SYTL3: variants seen among roughly 807,000 people sequenced by gnomAD.
The protein encoded by SYTL3 is synaptotagmin-like protein 3.
Under a neutral mutation model 82.1 loss-of-function variants are expected in SYTL3, and 88 were observed. The ratio of observed to expected loss-of-function variants is 1.07; its 90% CI spans 0.90 to 1.28. The LOEUF (loss-of-function observed/expected upper bound fraction) is 1.28. Ranked by LOEUF, SYTL3 falls within the 50% of genes most tolerant of loss-of-function variation. The pLI, the probability that SYTL3 is intolerant of heterozygous loss-of-function variation, is 0.00. For missense variants in SYTL3, 831 were observed against 757.6 expected, an observed-to-expected ratio of 1.10 and a Z score of -1.14; for synonymous variants, 311 against 289.4, an observed-to-expected ratio of 1.07 and a Z score of -0.76.
chr6:158,725,444 T>G, intron 10 of SYTL3, 59 bp from the exon 11 acceptor site: 1 of 1,590,002 alleles, frequency 6.3e-7, no homozygotes, highest in African/African-American at 1.3e-5. Flanking sequence ...TCACCACATT[T>G]GAACAAAACC....
chr6:158,737,217 C>A (rs964276759), intron 11 of SYTL3, among the ~76,000 whole-genome samples: 2 of 152,048 alleles, frequency 1.3e-5, no homozygotes, highest in Non-Finnish European at 2.9e-5. Context: ...GAAATAGATC[C>A]CCATTTTACA....
At chr6:158,676,604 C>G (rs1462389669) in intron 5 of SYTL3, among the ~76,000 whole-genome samples, 4 of 152,114 alleles carry the variant, frequency 2.6e-5, no homozygotes, top group Admixed American at 2.6e-4. Context: ...AAACCACCAT[C>G]AGAGTGAACA....
intron 8 of SYTL3, among the ~76,000 whole-genome samples, chr6:158,710,556 T>C (rs563694803): frequency 6.6e-6 from 1 of 151,138 alleles, no homozygotes; most frequent in African/African-American, 2.4e-5. Flanking sequence ...ACTCTAAAAG[T>C]GTCTGTAATT....
chr6:158,736,631 T>C (rs1043544629), intron 11 of SYTL3, among the ~76,000 whole-genome samples: 1 of 150,374 alleles, frequency 6.7e-6, no homozygotes, highest in African/African-American at 2.4e-5. Flanking sequence ...CTACTGAAAA[T>C]ACAAACATTA....
intron 6 of SYTL3, among the ~76,000 whole-genome samples, chr6:158,702,352 T>C (rs1781411803): frequency 6.6e-6 from 1 of 150,802 alleles, no homozygotes; most frequent in South Asian, 2.1e-4. Context: ...AAAAATTTTT[T>C]TTTTTTTATA....
intron 12 of SYTL3, among the ~76,000 whole-genome samples, chr6:158,747,364 AT>A (rs201950910): frequency 0.059 from 9,026 of 151,770 alleles, 305 homozygotes; most frequent in South Asian, 0.09. Flanking sequence ...ATTAAAATTA[AT>A]TTTTTTTTAA....
At chr6:158,715,620 C>T (rs931333) in intron 9 of SYTL3, among the ~76,000 whole-genome samples, 7,481 of 138,026 alleles carry the variant, frequency 0.054, 328 homozygotes, top group African/African-American at 0.097. Context: ...CACACACGCA[C>T]GCACCCAGCA....
chr6:158,719,242 A>G (rs540986145), intron 10 of SYTL3, among the ~76,000 whole-genome samples: 2 of 152,328 alleles, frequency 1.3e-5, no homozygotes, highest in East Asian at 3.9e-4. Flanking sequence ...TTTTATCTTC[A>G]TAACCACCAT....
chr6:158,649,557 GTAATAC>G (rs961804240), upstream of SYTL3, among the ~76,000 whole-genome samples: 1 of 152,242 alleles, frequency 6.6e-6, no homozygotes, highest in African/African-American at 2.4e-5. Context: ...ACGGTGCTGA[GTAATAC>G]TACCTAGTAC....
At chr6:158,658,072 T>G (rs1445355447) in intron 2 of SYTL3, among the ~76,000 whole-genome samples, 2 of 152,052 alleles carry the variant, frequency 1.3e-5, no homozygotes, top group Non-Finnish European at 2.9e-5. Context: ...TTTTGTATTT[T>G]TAGTAGAGAC....
intron 2 of SYTL3, among the ~76,000 whole-genome samples, chr6:158,659,607 G>A (rs1324027164): frequency 6.6e-6 from 1 of 152,126 alleles, no homozygotes; most frequent in African/African-American, 2.4e-5. Flanking sequence ...CGCCCGCCTC[G>A]GCCTCCCAGA....
At chr6:158,715,599 T>TCTCACACACACACACACACACACACACA (rs1783276356) in intron 9 of SYTL3, among the ~76,000 whole-genome samples, 5 of 116,440 alleles carry the variant, frequency 4.3e-5, no homozygotes, top group African/African-American at 1.1e-4. Flanking sequence ...TGAAACCGCA[T>TCTCACACACACACACACACACACACACA]CACACACACA....
At chr6:158,674,046 C>T (rs891245676) in intron 5 of SYTL3, among the ~76,000 whole-genome samples, 10 of 149,686 alleles carry the variant, frequency 6.7e-5, no homozygotes, top group South Asian at 2.1e-4. Flanking sequence ...ATCGCACCAC[C>T]GCAGTCCACC....
At chr6:158,661,953 A>G (rs988156609) in intron 3 of SYTL3, among the ~76,000 whole-genome samples, 13 of 152,338 alleles carry the variant, frequency 8.5e-5, no homozygotes, top group Admixed American at 5.9e-4. Context: ...ATTTCTTCCT[A>G]TGTAACACAG....
intron 11 of SYTL3, among the ~76,000 whole-genome samples, chr6:158,738,448 A>G (rs1322060710): frequency 1.3e-5 from 2 of 152,152 alleles, no homozygotes; most frequent in Non-Finnish European, 1.5e-5. Flanking sequence ...GCAATAGAAG[A>G]AGCTGATGCC....
intron 15 of SYTL3, among the ~76,000 whole-genome samples, chr6:158,761,360 T>C (rs1034665959): frequency 1.0e-4 from 15 of 145,170 alleles, no homozygotes; most frequent in Non-Finnish European, 1.9e-4. Context: ...TGGAGTGCAG[T>C]GGCCCGATCT....
intron 6 of SYTL3, among the ~76,000 whole-genome samples, chr6:158,692,102 AC>A (rs1214136719): frequency 6.8e-6 from 1 of 147,994 alleles, no homozygotes; most frequent in South Asian, 2.1e-4. Context: ...CTAAAAATAC[AC>A]AAAAATTAGC....
At chr6:158,654,565 A>C (rs1014793632) in intron 2 of SYTL3, among the ~76,000 whole-genome samples, 1 of 152,068 alleles carries the variant, frequency 6.6e-6, no homozygotes, top group Non-Finnish European at 1.5e-5. Flanking sequence ...TGAAGGGGAG[A>C]TGGAAGGGTA....
intron 11 of SYTL3, chr6:158,726,261 C>T (rs943011269): frequency 2.3e-6 from 1 of 444,248 alleles, no homozygotes; most frequent in Admixed American, 2.8e-5. Context: ...TCAGGAGTCT[C>T]TTGGGTAAAG....
Sources: allele counts gnomAD v4.1 joint callset (sites outside exome capture counted in the v4.1 genomes callset), GRCh38; gene constraint gnomAD v4.1.1; transcripts MANE v1.5; gene names NCBI Gene and HGNC (gene_info 2026-07-23, HGNC 2026-07-21).